The following IGF1R variants were observed in gnomAD, a reference collection of about 807,000 sequenced individuals.
IGF1R encodes the protein insulin like growth factor 1 receptor.
Under a neutral mutation model 144.6 loss-of-function variants are expected in IGF1R, and 44 were observed. The observed-to-expected ratio is 0.30, with a 90% CI of 0.24 to 0.39. The LOEUF (loss-of-function observed/expected upper bound fraction) is 0.39, where lower values mean the gene tolerates loss of function less well. Ranked by LOEUF, IGF1R falls within the 10% of genes least tolerant of loss-of-function variation. The pLI, the probability that IGF1R is intolerant of heterozygous loss-of-function variation, is 1.00. For missense variants in IGF1R, 1,355 were observed against 1,833.7 expected (o/e 0.74, Z 4.77); for synonymous variants, 795 against 722.8 (o/e 1.10, Z -1.60).
At chr15:98,655,727 C>CTT (rs534783117) in intron 1 of IGF1R, among the ~76,000 whole-genome samples, 29 of 141,440 alleles carry the variant, frequency 2.1e-4, no homozygotes, top group African/African-American at 5.7e-4. Flanking sequence ...ATTTTTTTTT[C>CTT]TTTTTTTTTT....
intron 1 of IGF1R, among the ~76,000 whole-genome samples, chr15:98,659,238 GA>G (rs2052548526): frequency 6.6e-6 from 1 of 151,508 alleles, no homozygotes. Flanking sequence ...AAACAGTTGT[GA>G]TTTTTTTTTT....
chr15:98,830,602 C>CGCCTTTTTTTTT (rs2056982466), intron 2 of IGF1R, among the ~76,000 whole-genome samples: 1 of 136,388 alleles, frequency 7.3e-6, no homozygotes, highest in African/African-American at 3.3e-5. Flanking sequence ...ATCTGATCAT[C>CGCCTTTTTTTTT]ATCTTTTTTT....
rs1209118101 is a variant in IGF1R, at chr15:98,648,685, G to A, written c.-897G>A. Among the ~76,000 whole-genome samples the A allele has an allele frequency of 1.4e-5, 2 of 147,072 alleles. No individual in the cohort carries two copies. The highest frequency in any genetic ancestry group is 3.0e-5 in the Non-Finnish European group (2 of 65,990). ...TCGAGAGAGGCGGGAGAGCGAGAGG[G>A]ACGCCGCCAGCGAGCCTGCCCACGG... On this transcript the variant is annotated 5_prime_UTR_variant, in exon 1 of 21. Coordinates refer to ENST00000650285, the MANE Select transcript of IGF1R (RefSeq NM_000875.5).
chr15:98,824,545 T>C (rs2056857755), intron 2 of IGF1R, among the ~76,000 whole-genome samples: 1 of 152,182 alleles, frequency 6.6e-6, no homozygotes, highest in Admixed American at 6.5e-5. Flanking sequence ...AGACTCAGCT[T>C]TCCCCCAGGA....
At chr15:98,654,045 AT>A (rs1009311758) in intron 1 of IGF1R, among the ~76,000 whole-genome samples, 2 of 152,026 alleles carry the variant, frequency 1.3e-5, no homozygotes, top group Non-Finnish European at 2.9e-5. Flanking sequence ...TGAAATTCAG[AT>A]TTTTTTTCAG....
intron 2 of IGF1R, among the ~76,000 whole-genome samples, chr15:98,724,597 A>G (rs904289832): frequency 1.3e-5 from 2 of 152,214 alleles, no homozygotes; most frequent in Non-Finnish European, 2.9e-5. Context: ...CTTGTGTCTA[A>G]AAGTTTGCTT....
At chr15:98,845,942 C>T (rs2011312460) in intron 2 of IGF1R, among the ~76,000 whole-genome samples, 1 of 152,216 alleles carries the variant, frequency 6.6e-6, no homozygotes, top group African/African-American at 2.4e-5. Flanking sequence ...GATCAAGGCT[C>T]TGCATTTGCA....
At chr15:98,836,015 C>T (rs1052500597) in intron 2 of IGF1R, among the ~76,000 whole-genome samples, 1 of 152,132 alleles carries the variant, frequency 6.6e-6, no homozygotes, top group Non-Finnish European at 1.5e-5. Flanking sequence ...CTTCTTCATT[C>T]ATGTTCTTCC....
At chr15:98,755,509 A>G (rs774166160) in intron 2 of IGF1R, among the ~76,000 whole-genome samples, 5 of 151,926 alleles carry the variant, frequency 3.3e-5, no homozygotes, top group South Asian at 4.1e-4. Context: ...GGGAGGCTGA[A>G]GTGGGTGGAT....
chr15:98,874,130 C>G (rs1438315286), intron 2 of IGF1R, among the ~76,000 whole-genome samples: 1 of 152,114 alleles, frequency 6.6e-6, no homozygotes, highest in Non-Finnish European at 1.5e-5. Context: ...ATGGAAGTAA[C>G]AGGTCCAAAA....
At chr15:98,719,856 A>T (rs556214628) in intron 2 of IGF1R, among the ~76,000 whole-genome samples, 41 of 152,114 alleles carry the variant, frequency 2.7e-4, no homozygotes, top group Non-Finnish European at 5.0e-4. Flanking sequence ...ACTCTATCTT[A>T]TTGGGCGGTA....
chr15:98,741,235 CTTTTTT>C (rs540942858), intron 2 of IGF1R, among the ~76,000 whole-genome samples: 1 of 70,328 alleles, frequency 1.4e-5, no homozygotes, highest in African/African-American at 7.0e-5. Context: ...TTTTCCTGAG[CTTTTTT>C]TTTTTTTTTT....
At chr15:98,878,663 CAAAAAAAAAAAA>C (rs138285597) in intron 2 of IGF1R, among the ~76,000 whole-genome samples, 57 of 57,910 alleles carry the variant, frequency 9.8e-4, no homozygotes, top group African/African-American at 4.6e-3. Context: ...GTGAAAGACT[CAAAAAAAAAAAA>C]AAAAAAAAAA....
In IGF1R at chr15:98,831,026, A is replaced by G. The variant is rs112454898; in HGVS notation, c.641-60299A>G. ...CGCCAGATCTCCTGGTAGATAACTA[A>G]CAGAGTGAGAACTCACTCTTTACTG... On this transcript the variant is annotated intron_variant, in intron 2 of 20. Transcript: ENST00000650285. Among the ~76,000 whole-genome samples, 689 of 152,224 alleles carry G rather than the reference A, an allele frequency of 4.5e-3. 5 individuals carry two copies. Among genetic ancestry groups the G allele is most frequent in the African/African-American group, 0.015 (607 of 41,520 alleles).
intron 2 of IGF1R, among the ~76,000 whole-genome samples, chr15:98,888,038 CT>C (rs1175217424): frequency 6.6e-6 from 1 of 152,232 alleles, no homozygotes; most frequent in Non-Finnish European, 1.5e-5. Context: ...GACCTCGTTG[CT>C]TTTACAAGCA....
rs1187011663 is a variant in IGF1R, at chr15:98,959,409, A to G, written c.*1967A>G. Reference sequence around the variant, plus strand: ...GACCGACTGACCTGTCTTTGGAACCAGAACATCCCAAGGGAACTCCTTCGC... The same window carrying G: ...GACCGACTGACCTGTCTTTGGAACCGGAACATCCCAAGGGAACTCCTTCGC... On this transcript the variant is annotated 3_prime_UTR_variant, in exon 21 of 21. Coordinates refer to ENST00000650285, the MANE Select transcript of IGF1R (RefSeq NM_000875.5). 4.3e-6 allele frequency: 1 copy of G among 233,792 alleles called. No individual in the cohort carries two copies. Among genetic ancestry groups the G allele is most frequent in the Non-Finnish European group, 8.5e-6 (1 of 118,196 alleles). 14.5% of individuals were successfully genotyped at this position (233,792 alleles called of 1,614,324 possible). A position where few individuals can be genotyped will look rare whatever the true frequency, so the allele number is the denominator to read the frequency against.
intron 2 of IGF1R, among the ~76,000 whole-genome samples, chr15:98,878,774 C>T (rs1315639678): frequency 6.6e-6 from 1 of 150,402 alleles, no homozygotes; most frequent in Non-Finnish European, 1.5e-5. Context: ...AGGTGGATCA[C>T]AAGGTCAGGA....
Position 98,958,246 on chromosome 15 carries a change from C to A in IGF1R, c.*804C>A, listed in dbSNP as rs973469772. 4 of 231,490 alleles carry A rather than the reference C, an allele frequency of 1.7e-5. No individual in the cohort carries two copies. The highest frequency in any genetic ancestry group is 8.5e-6 in the Non-Finnish European group (1 of 117,098). The allele number at this position is 231,490 out of a possible 1,614,324, so 14.3% of individuals were successfully genotyped here. ...TTTGGGGGAACTGGACACAATAGGTCTTTCTCTCAGTGAAGGTGGGGAGAA... is the reference window on the plus strand; with the variant it reads ...TTTGGGGGAACTGGACACAATAGGTATTTCTCTCAGTGAAGGTGGGGAGAA... On this transcript the variant is annotated 3_prime_UTR_variant, in exon 21 of 21. Transcript: ENST00000650285.
chr15:98,790,059 T>A (rs1310387758), intron 2 of IGF1R, among the ~76,000 whole-genome samples: 1 of 152,212 alleles, frequency 6.6e-6, no homozygotes, highest in East Asian at 1.9e-4. Context: ...AAGGAAGCTC[T>A]GTTCAAGTGG....
Sources: gnomAD v4.1 joint callset for allele counts (sites outside exome capture counted in the v4.1 genomes callset) on GRCh38, gnomAD v4.1.1 for gene constraint, MANE v1.5 for transcripts, NCBI Gene and HGNC (gene_info 2026-07-23, HGNC 2026-07-21) for gene names.